Variants in LPIN1 observed in about 807,000 individuals in gnomAD.
LPIN1 encodes lipin 1, also known as phosphatidate phosphatase LPIN1.
A neutral mutation model predicts 107.5 loss-of-function variants in LPIN1; 71 were observed. The ratio of observed to expected loss-of-function variants is 0.66; its 90% CI spans 0.55 to 0.80. LPIN1 has a LOEUF of 0.80. Ranked by LOEUF, LPIN1 falls within the 30% of genes least tolerant of loss-of-function variation. The pLI is 0.00. For missense variants in LPIN1, 1,043 were observed against 1,160.6 expected (o/e 0.90, Z 1.47); for synonymous variants, 445 against 452.6 (o/e 0.98, Z 0.21).
In LPIN1 at chr2:11,786,695, GC is replaced by G. The variant is rs1674635926; in HGVS notation, c.1550-376del. ...CTGGGGCCTGGGAGGTGAACCGCTTGCCCAGGGTTACCCCCGTAATCGTGAC... is the reference window on the plus strand; with the variant it reads ...CTGGGGCCTGGGAGGTGAACCGCTTGCCAGGGTTACCCCCGTAATCGTGAC... On this transcript the variant is annotated intron_variant, in intron 10 of 20. Coordinates refer to ENST00000674199, the MANE Select transcript of LPIN1 (RefSeq NM_001349206.2). The surrounding 1 kb of genome is among the most constrained non-coding windows in gnomAD (Gnocchi z 4.1). 6.6e-6 allele frequency among the ~76,000 whole-genome samples: 1 copy of G among 152,194 alleles called. No homozygotes were observed. Among genetic ancestry groups the G allele is most frequent in the Non-Finnish European group, 1.5e-5 (1 of 68,026 alleles).
intron 14 of LPIN1, among the ~76,000 whole-genome samples, chr2:11,801,069 A>T (rs1244697386): frequency 2.0e-5 from 3 of 152,236 alleles, no homozygotes; most frequent in African/African-American, 7.2e-5. Context: ...ATCTCACCCC[A>T]GTTAGCATGG....
At chr2:11,815,265 C>G (rs7564918) in intron 18 of LPIN1, 25 bp downstream of exon 18, 1 of 1,613,108 alleles carries the variant, frequency 6.2e-7, no homozygotes, top group African/African-American at 1.3e-5. Flanking sequence ...CCCTGCACCT[C>G]CATCTGTGAG....
intron 2 of LPIN1, chr2:11,713,884 C>T (rs1663561746): frequency 8.9e-7 from 1 of 1,123,692 alleles, no homozygotes; most frequent in Non-Finnish European, 1.3e-6. Context: ...ACTCCATGTC[C>T]AGCTGTGGTT....
At chr2:11,737,016 C>G (rs565322976) in intron 1 of LPIN1, among the ~76,000 whole-genome samples, 1 of 152,224 alleles carries the variant, frequency 6.6e-6, no homozygotes, top group Non-Finnish European at 1.5e-5. Flanking sequence ...CAAAGGGCAT[C>G]ACTTTTATAG....
chr2:11,753,722 AAAAGACTTCCTCTTTGCCGT>A (rs1232945815), intron 1 of LPIN1, among the ~76,000 whole-genome samples: 1 of 152,242 alleles, frequency 6.6e-6, no homozygotes, highest in Admixed American at 6.5e-5. Flanking sequence ...CAATGCTCTG[AAAAGACTTCCTCTTTGCCGT>A]AAGTGTAAAT....
At chr2:11,770,453 C>T (rs910617659) in intron 3 of LPIN1, among the ~76,000 whole-genome samples, 1 of 152,190 alleles carries the variant, frequency 6.6e-6, no homozygotes, top group Admixed American at 6.5e-5. Context: ...GGGCCCTTCT[C>T]TGCTCTTGAT....
chr2:11,765,752 G>C lies in LPIN1; in HGVS notation c.192+19G>C, dbSNP rs201012369. 3.9e-5 allele frequency: 62 copies of C among 1,602,384 alleles called. No homozygotes were observed. The East Asian group carries it at 1.3e-3, about 34-fold the overall frequency. ...GAAAGTGGTGAGCTCTCAGGGCACG[G>C]GGACCTGGCACCGGCTCTCCTTAGA... On this transcript the variant is annotated intron_variant, in intron 2 of 20. Coordinates refer to ENST00000674199, the MANE Select transcript of LPIN1 (RefSeq NM_001349206.2). This position sits in a 1 kb window ranked among gnomAD's most constrained non-coding sequence, Gnocchi z 4.4.
intron 1 of LPIN1, among the ~76,000 whole-genome samples, chr2:11,726,184 C>T (rs957528501): frequency 2.0e-4 from 30 of 152,262 alleles, no homozygotes; most frequent in Non-Finnish European, 3.5e-4. Context: ...ATGAAATGTC[C>T]GCCATAGCCA....
Position 11,791,990 on chromosome 2 carries a change from A to G in LPIN1, c.1790A>G (p.Asn597Ser), listed in dbSNP as rs886054799. Residue 597 changes from asparagine to serine, a missense_variant, in exon 13 of 21, where the codon AAC becomes AGC. Coordinates refer to ENST00000674199, the MANE Select transcript of LPIN1 (RefSeq NM_001349206.2). ...GRWWFSWRGR[N>S]TTIKEESKPE... ...TGGTGGTTTTCATGGAGGGGAAGAA[A>G]CACCACAATCAAGGAGGTAAGCCCA... 1.2e-6 allele frequency: 2 copies of G among 1,613,944 alleles called. No homozygotes were observed. The highest frequency in any genetic ancestry group is 1.7e-4 in the Middle Eastern group (1 of 6,060).
intron 12 of LPIN1, among the ~76,000 whole-genome samples, chr2:11,788,918 A>G (rs1024323751): frequency 2.6e-5 from 4 of 152,220 alleles, no homozygotes; most frequent in African/African-American, 9.6e-5. Context: ...GGCCAGAGCC[A>G]GTACAGGGCC....
upstream of LPIN1, among the ~76,000 whole-genome samples, chr2:11,744,083 G>A (rs1053742664): frequency 6.6e-6 from 1 of 152,258 alleles, no homozygotes; most frequent in Non-Finnish European, 1.5e-5. Flanking sequence ...TTCCTGGATT[G>A]TGAAACTGAG....
intron 10 of LPIN1, among the ~76,000 whole-genome samples, chr2:11,785,973 C>T (rs563793667): frequency 2.6e-5 from 4 of 152,204 alleles, no homozygotes; most frequent in Non-Finnish European, 4.4e-5. Context: ...AATACCCAGC[C>T]TCACTGTGTT....
At chr2:11,804,661 A>G (rs753278781) in intron 16 of LPIN1, 90 bp downstream of exon 16, 66 of 1,374,774 alleles carry the variant, frequency 4.8e-5, no homozygotes, top group Admixed American at 1.8e-4. Flanking sequence ...TGCTCTCCTC[A>G]TGGGACTTGC....
Position 11,824,694 on chromosome 2 carries a change from C to T in LPIN1, c.2684C>T (p.Ser895Leu), listed in dbSNP as rs1240987502. Reference protein sequence around the residue: ...VFPLLKRSHSSDFPCSDTFSN... With the variant: ...VFPLLKRSHSLDFPCSDTFSN... The stretch of plus-strand genomic sequence containing the variant: ...CCGTTGCTGAAAAGAAGCCATTCTT[C>T]AGACTTTCCCTGTTCGGATACCTTC... Residue 895 changes from serine to leucine, a missense_variant, in exon 21 of 21, where the codon TCA (serine) becomes TTA (leucine). Ser to Leu is a moderately radical substitution (Grantham distance 145). Coordinates refer to ENST00000674199, the MANE Select transcript of LPIN1 (RefSeq NM_001349206.2). 5.6e-6 allele frequency: 9 copies of T among 1,614,050 alleles called. No individual in the cohort carries two copies. Among genetic ancestry groups the T allele is most frequent in the Non-Finnish European group, 7.6e-6 (9 of 1,180,044 alleles).
intron 1 of LPIN1, among the ~76,000 whole-genome samples, chr2:11,731,650 A>C (rs1665244538): frequency 1.3e-5 from 2 of 152,214 alleles, no homozygotes; most frequent in South Asian, 4.1e-4. Flanking sequence ...GAATCACTAC[A>C]CGCTCTTTCA....
At chr2:11,716,771 G>T (rs988101450) in intron 2 of LPIN1, among the ~76,000 whole-genome samples, 1 of 152,086 alleles carries the variant, frequency 6.6e-6, no homozygotes, top group South Asian at 2.1e-4. Flanking sequence ...GAAACTCAAC[G>T]AAATACACAC....
intron 17 of LPIN1, chr2:11,805,452 C>T (rs541482312): frequency 9.8e-6 from 5 of 508,430 alleles, no homozygotes; most frequent in South Asian, 2.2e-5. Flanking sequence ...TAGTTCATCC[C>T]GAGGGATGGC....
chr2:11,767,615 AT>A, intron 2 of LPIN1, 147 bp from the exon 3 acceptor site: 1 of 693,706 alleles, frequency 1.4e-6, no homozygotes, highest in Middle Eastern at 2.3e-4. Context: ...GTTCCCTTGG[AT>A]GGGACGGCCT....
At chr2:11,693,887 TGCAATA>T (rs1159015286) in intron 1 of LPIN1, among the ~76,000 whole-genome samples, 1 of 126,564 alleles carries the variant, frequency 7.9e-6, no homozygotes, top group East Asian at 2.7e-4. Context: ...CAGGCTGGAG[TGCAATA>T]GCAAGATCCC....
Sources: allele counts gnomAD v4.1 joint callset (sites outside exome capture counted in the v4.1 genomes callset), GRCh38; gene constraint gnomAD v4.1.1; non-coding constraint Gnocchi (gnomAD v3.1); transcripts MANE v1.5; gene names NCBI Gene and HGNC (gene_info 2026-07-23, HGNC 2026-07-21).